The following CFLAR variants were observed in gnomAD, a reference collection of about 807,000 sequenced individuals.
The protein encoded by CFLAR is CASP8 and FADD-like apoptosis regulator.
A neutral mutation model predicts 51.1 loss-of-function variants in CFLAR; 14 were observed. The observed-to-expected ratio is 0.27, with a 90% CI of 0.18 to 0.43. The LOEUF is 0.43. Ranked by LOEUF, CFLAR falls within the 20% of genes least tolerant of loss-of-function variation. CFLAR has a pLI of 1.00. For missense variants in CFLAR, 390 were observed against 566.5 expected (o/e 0.69, Z 3.16); for synonymous variants, 210 against 211.6 (o/e 0.99, Z 0.06).
In CFLAR at chr2:201,174,472, T is replaced by A. The variant is rs1944136995; in HGVS notation, c.*10499T>A. The A allele has an allele frequency of 6.6e-6, 1 of 152,264 alleles. No homozygotes were observed. Among genetic ancestry groups the A allele is most frequent in the Non-Finnish European group, 1.5e-5 (1 of 68,048 alleles). 9.4% of individuals were successfully genotyped at this position (152,264 alleles called of 1,614,324 possible). ...GCTCTATCTTATGGTAGTACCACAC[T>A]GTCTTGATTATTGTAACTTCGTAGT... On this transcript the variant is annotated 3_prime_UTR_variant, in exon 10 of 10. Coordinates refer to ENST00000309955, the MANE Select transcript of CFLAR (RefSeq NM_003879.7).
intron 3 of CFLAR, among the ~76,000 whole-genome samples, chr2:201,134,995 G>T (rs1239119848): frequency 6.6e-6 from 1 of 152,124 alleles, no homozygotes; most frequent in Non-Finnish European, 1.5e-5. Flanking sequence ...TCTAAATTAT[G>T]ATTATTATTT....
At chr2:201,154,233 A>G (rs529459405) in intron 8 of CFLAR, 78 of 188,208 alleles carry the variant, frequency 4.1e-4, no homozygotes, top group Non-Finnish European at 7.9e-4. Context: ...CTGGGATTAC[A>G]GGCATGTGCC....
At chr2:201,131,397 G>A (rs2049305651) in intron 2 of CFLAR, among the ~76,000 whole-genome samples, 1 of 152,078 alleles carries the variant, frequency 6.6e-6, no homozygotes, top group Admixed American at 6.6e-5. Context: ...CACTATGTCT[G>A]GCTAATTATT....
rs572703113 is a variant in CFLAR at position 201,162,004 on chromosome 2, T to G, written c.1304+1062T>G. The stretch of plus-strand genomic sequence containing the variant: ...CTCAAGTGATCCACGTACCTCGGCC[T>G]GCCAAAGTGCTGGGATTACAGGCAT... On this transcript the variant is annotated intron_variant, in intron 9 of 9. Transcript: ENST00000309955. Among the ~76,000 whole-genome samples, 11 of 152,190 alleles carry G rather than the reference T, an allele frequency of 7.2e-5. No homozygotes were observed. In the East Asian group the frequency reaches 1.4e-3, roughly 19 times the overall value.
intron 7 of CFLAR, 24 bp downstream of exon 7, chr2:201,149,076 G>T: frequency 1.3e-6 from 2 of 1,513,746 alleles, no homozygotes; most frequent in South Asian, 1.1e-5. Context: ...GATCTGATTT[G>T]GTATTATATG....
chr2:201,137,759 C>T, intron 4 of CFLAR: 1 of 904,788 alleles, frequency 1.1e-6, no homozygotes, highest in Non-Finnish European at 1.8e-6. Flanking sequence ...TCGCCTTATC[C>T]CCGTCGTTGA....
chr2:201,160,960 G>A lies in CFLAR; in HGVS notation c.1304+18G>A, dbSNP rs2125929935. On this transcript the variant is annotated intron_variant, in intron 9 of 9. Coordinates refer to ENST00000309955, the MANE Select transcript of CFLAR (RefSeq NM_003879.7). ...CAAGAAAGGTGAGCCCCCAGGAGGT[G>A]GTCAGTTCCGGACCACCTGCTTATT... is the stretch of plus-strand genomic sequence containing the variant. 6.3e-7 allele frequency: 1 copy of A among 1,589,524 alleles called. No homozygotes were observed. Among genetic ancestry groups the A allele is most frequent in the Non-Finnish European group, 8.6e-7 (1 of 1,160,864 alleles).
intron 4 of CFLAR, chr2:201,136,393 G>T (rs2050125628): frequency 6.3e-7 from 1 of 1,598,456 alleles, no homozygotes; most frequent in Non-Finnish European, 8.5e-7. Flanking sequence ...GGCTGGCAGA[G>T]CTATGGACAT....
chr2:201,151,864 A>C (rs1941337839), intron 8 of CFLAR, among the ~76,000 whole-genome samples: 1 of 152,114 alleles, frequency 6.6e-6, no homozygotes, highest in Non-Finnish European at 1.5e-5. Context: ...ATTTTTCTGC[A>C]TTATAGGAGC....
Position 201,167,015 on chromosome 2 carries a change from CAG to C in CFLAR, c.*3043_*3044del, listed in dbSNP as rs1943668146. 6.6e-6 allele frequency: 1 copy of C among 152,244 alleles called. No individual in the cohort carries two copies. The highest frequency in any genetic ancestry group is 6.5e-5 in the Admixed American group (1 of 15,272). The allele number at this position is 152,244 out of a possible 1,614,324, so 9.4% of individuals were successfully genotyped here. A position where few individuals can be genotyped will look rare whatever the true frequency, so the allele number is the denominator to read the frequency against. ...TTTAAAATTTTTTAAAATTGCTGAA[CAG>C]GGGTACCTCTGGGCAGTGTGTCAGA... On this transcript the variant is annotated 3_prime_UTR_variant, in exon 10 of 10. Transcript: ENST00000309955.
chr2:201,135,881 C>A, intron 3 of CFLAR, 91 bp from the exon 4 acceptor site: 2 of 1,517,862 alleles, frequency 1.3e-6, no homozygotes, highest in Non-Finnish European at 8.8e-7. Context: ...CCTGCCTCAG[C>A]CTCCCAAAGT....
At position 201,138,827 on chromosome 2, in the gene CFLAR, G is replaced by A; in HGVS notation, c.524-1530G>A. ...CCATCAGAGCCATCACGATGGCCAG[G>A]TCGGCCTCTGTCACAGTGTCCATGG... On this transcript the variant is annotated intron_variant, in intron 4 of 9. Coordinates refer to ENST00000309955, the MANE Select transcript of CFLAR (RefSeq NM_003879.7). This position sits in a 1 kb window ranked among gnomAD's most constrained non-coding sequence, Gnocchi z 4.0. 1 of 741,386 alleles carries A rather than the reference G, an allele frequency of 1.3e-6. No homozygotes were observed. Among genetic ancestry groups the A allele is most frequent in the Non-Finnish European group, 2.5e-6 (1 of 401,474 alleles). The allele number at this position is 741,386 out of a possible 1,614,324, so 45.9% of individuals were successfully genotyped here. A position where few individuals can be genotyped will look rare whatever the true frequency, so the allele number is the denominator to read the frequency against.
chr2:201,159,746 A>G (rs1942789279), intron 8 of CFLAR, among the ~76,000 whole-genome samples: 1 of 152,208 alleles, frequency 6.6e-6, no homozygotes, highest in South Asian at 2.1e-4. Flanking sequence ...TCACTCCAAA[A>G]TTTAGTGGCT....
At position 201,168,478 on chromosome 2, in the gene CFLAR, AAAT is replaced by A. The variant is rs774773465; in HGVS notation, c.*4511_*4513del. 1.4e-4 allele frequency: 22 copies of A among 152,236 alleles called. No homozygotes were observed. The highest frequency in any genetic ancestry group is 4.8e-4 in the African/African-American group (20 of 41,538). 9.4% of individuals were successfully genotyped at this position (152,236 alleles called of 1,614,324 possible). On this transcript the variant is annotated 3_prime_UTR_variant, in exon 10 of 10. Coordinates refer to ENST00000309955, the MANE Select transcript of CFLAR (RefSeq NM_003879.7). ...CTAGGTATTGATGGAAAATATCTCA[AAAT>A]AATAACCATTTATGACAAACCCACA... is the stretch of plus-strand genomic sequence containing the variant.
At position 201,127,554 on chromosome 2, in the gene CFLAR, C is replaced by T. The variant is rs140747666; in HGVS notation, c.-137-2175C>T. The stretch of plus-strand genomic sequence containing the variant: ...AGTAATTTTTATGTTAATTTCTTGG[C>T]TTGGGCTTAAACCCCAACAAAGTGG... On this transcript the variant is annotated intron_variant, in intron 1 of 9. Transcript: ENST00000309955. Among the ~76,000 whole-genome samples the T allele has an allele frequency of 7.0e-3, 1,071 of 152,260 alleles. 16 individuals carry two copies. The highest frequency in any genetic ancestry group is 0.025 in the African/African-American group (1,033 of 41,552).
At chr2:201,129,613 T>C (rs1237859364) in intron 1 of CFLAR, 116 bp from the exon 2 acceptor site, 1 of 501,390 alleles carries the variant, frequency 2.0e-6, no homozygotes, top group Non-Finnish European at 3.5e-6. Flanking sequence ...TCCCTTTCTA[T>C]AGAACTTAAT....
intron 7 of CFLAR, 37 bp downstream of exon 7, chr2:201,149,089 C>T (rs1285653132): frequency 3.6e-6 from 5 of 1,393,652 alleles, no homozygotes; most frequent in Admixed American, 3.4e-5. Context: ...ATTATATGTA[C>T]ATAGCTGTGG....
chr2:201,163,803 G>A (rs1943290810), intron 9 of CFLAR, 32 bp from the exon 10 acceptor site: 2 of 1,593,954 alleles, frequency 1.3e-6, no homozygotes, highest in African/African-American at 1.4e-5. Context: ...TATTTGCATG[G>A]CATTAAATTT....
intron 4 of CFLAR, chr2:201,139,607 G>GC (rs1937980149): frequency 6.5e-6 from 1 of 153,734 alleles, no homozygotes; most frequent in African/African-American, 2.4e-5. Context: ...GGACATGCGG[G>GC]CAGCACTACT....
Sources: gnomAD v4.1 joint callset for allele counts (sites outside exome capture counted in the v4.1 genomes callset) on GRCh38, gnomAD v4.1.1 for gene constraint, Gnocchi (gnomAD v3.1) non-coding constraint, MANE v1.5 for transcripts, NCBI Gene and HGNC (gene_info 2026-07-23, HGNC 2026-07-21) for gene names.